SGCZ: variants seen among roughly 807,000 people sequenced by gnomAD.
SGCZ encodes the protein zeta-sarcoglycan.
Under a neutral mutation model 41.3 loss-of-function variants are expected in SGCZ, and 40 were observed. That is an observed-to-expected ratio of 0.97 (90% CI 0.75 to 1.26). The LOEUF (loss-of-function observed/expected upper bound fraction) is 1.26. Ranked by LOEUF, SGCZ falls within the 50% of genes most tolerant of loss-of-function variation. The pLI, the probability that SGCZ is intolerant of heterozygous loss-of-function variation, is 0.00. For synonymous variants in SGCZ, 206 were observed against 137.5 expected (o/e 1.50, Z -3.49); for missense variants, 552 against 369.8 (o/e 1.49, Z -4.04).
chr8:14,868,881 T>C (rs942064624), intron 1 of SGCZ, among the ~76,000 whole-genome samples: 2 of 152,016 alleles, frequency 1.3e-5, no homozygotes, highest in African/African-American at 4.8e-5. Context: ...CTCCCAAGGC[T>C]AAACCAGGAA....
At chr8:15,044,714 T>C (rs1054338861) in intron 1 of SGCZ, among the ~76,000 whole-genome samples, 1 of 152,010 alleles carries the variant, frequency 6.6e-6, no homozygotes, top group Non-Finnish European at 1.5e-5. Flanking sequence ...GGAGGGTTAA[T>C]TAGGAGTTAA....
chr8:14,220,231 G>A (rs1806144983), intron 4 of SGCZ, among the ~76,000 whole-genome samples: 1 of 152,110 alleles, frequency 6.6e-6, no homozygotes, highest in East Asian at 1.9e-4. Flanking sequence ...GGAGTAGAAT[G>A]GATAAATTGT....
chr8:14,346,637 A>T (rs1802899621), intron 2 of SGCZ, among the ~76,000 whole-genome samples: 1 of 152,082 alleles, frequency 6.6e-6, no homozygotes, highest in African/African-American at 2.4e-5. Context: ...AAAATATCAC[A>T]TGGAAAGTTT....
chr8:14,797,168 G>C (rs932234692), intron 1 of SGCZ, among the ~76,000 whole-genome samples: 1 of 152,078 alleles, frequency 6.6e-6, no homozygotes, highest in Non-Finnish European at 1.5e-5. Flanking sequence ...GGTGGGGACA[G>C]TTTGGAGGGC....
chr8:14,720,363 C>T (rs1186195201), intron 1 of SGCZ, among the ~76,000 whole-genome samples: 1 of 151,910 alleles, frequency 6.6e-6, no homozygotes, highest in Non-Finnish European at 1.5e-5. Flanking sequence ...TTTTTAAAAA[C>T]AATAATGATA....
At chr8:14,340,540 T>C (rs1250586143) in intron 2 of SGCZ, among the ~76,000 whole-genome samples, 3 of 152,152 alleles carry the variant, frequency 2.0e-5, no homozygotes, top group Admixed American at 6.6e-5. Context: ...TGTCTTTTTA[T>C]CTCCAGAATT....
At chr8:14,468,642 C>A (rs1344541386) in intron 2 of SGCZ, among the ~76,000 whole-genome samples, 1 of 151,984 alleles carries the variant, frequency 6.6e-6, no homozygotes, top group Non-Finnish European at 1.5e-5. Context: ...TCCATTTTAT[C>A]TTTCTAATGC....
rs1472368671 is a variant in SGCZ, at chr8:14,088,202, A to C, written c.*2241T>G. Among the ~76,000 whole-genome samples, 1 of 151,756 alleles carries C rather than the reference A, an allele frequency of 6.6e-6. No homozygotes were observed. Among genetic ancestry groups the C allele is most frequent in the African/African-American group, 2.4e-5 (1 of 41,392 alleles). ...TTAGAACATGTTGGAACAGAAAGGAACCCCAAGAGACTATTTTATTCAATA... is the reference window on the plus strand; with the variant it reads ...TTAGAACATGTTGGAACAGAAAGGACCCCCAAGAGACTATTTTATTCAATA... On this transcript the variant is annotated 3_prime_UTR_variant, in exon 8 of 8. Transcript: ENST00000382080.
intron 2 of SGCZ, among the ~76,000 whole-genome samples, chr8:14,513,301 G>A (rs1179922826): frequency 6.6e-6 from 1 of 152,112 alleles, no homozygotes; most frequent in Admixed American, 6.6e-5. Flanking sequence ...GCCTCCCAAA[G>A]TGCTGGAATT....
intron 2 of SGCZ, among the ~76,000 whole-genome samples, chr8:14,398,588 C>T (rs1190342794): frequency 6.6e-6 from 1 of 151,988 alleles, no homozygotes; most frequent in Non-Finnish European, 1.5e-5. Flanking sequence ...TCCAAGTTGC[C>T]TTGGGGAGTG....
chr8:15,120,677 G>A (rs914295723), intron 1 of SGCZ, among the ~76,000 whole-genome samples: 2 of 151,926 alleles, frequency 1.3e-5, no homozygotes, highest in Non-Finnish European at 2.9e-5. Context: ...AAAATGAATT[G>A]ACATGCTCAG....
At chr8:14,775,788 T>C (rs762809169) in intron 1 of SGCZ, among the ~76,000 whole-genome samples, 5 of 152,192 alleles carry the variant, frequency 3.3e-5, no homozygotes, top group Non-Finnish European at 5.9e-5. Context: ...GAATTGGTTA[T>C]TGAGTTTTAT....
chr8:14,629,975 C>T lies in SGCZ; in HGVS notation c.40-75049G>A, dbSNP rs146196002. Among the ~76,000 whole-genome samples the T allele has an allele frequency of 3.6e-3, 544 of 152,002 alleles. 1 individual carries two copies. The highest frequency in any genetic ancestry group is 0.011 in the African/African-American group (474 of 41,464). On this transcript the variant is annotated intron_variant, in intron 1 of 7. Coordinates refer to ENST00000382080, the MANE Select transcript of SGCZ (RefSeq NM_139167.4). ...TTGAAACTGTTTCTAAGTCTTGATG[C>T]TAGGTAAAATATCTGATTATTGTGT...
At chr8:15,159,175 T>C (rs760198934) in intron 1 of SGCZ, among the ~76,000 whole-genome samples, 6 of 152,036 alleles carry the variant, frequency 3.9e-5, no homozygotes, top group Non-Finnish European at 7.4e-5. Context: ...TCTATAAAAA[T>C]CCAAGAGCAA....
intron 3 of SGCZ, among the ~76,000 whole-genome samples, chr8:14,314,053 T>C (rs1167814371): frequency 6.6e-6 from 1 of 152,060 alleles, no homozygotes; most frequent in Non-Finnish European, 1.5e-5. Context: ...CATTTTTTTG[T>C]AAGGCTTCAG....
At chr8:14,674,090 T>A (rs890657771) in intron 1 of SGCZ, among the ~76,000 whole-genome samples, 1 of 152,144 alleles carries the variant, frequency 6.6e-6, no homozygotes, top group Admixed American at 6.5e-5. Flanking sequence ...GAAATTAGTA[T>A]AAACTGTTAA....
chr8:14,173,386 C>T (rs1453830545), intron 4 of SGCZ, among the ~76,000 whole-genome samples: 3 of 151,672 alleles, frequency 2.0e-5, no homozygotes, highest in East Asian at 3.9e-4. Context: ...AAGATGAATC[C>T]TAGCAAAGAA....
intron 3 of SGCZ, among the ~76,000 whole-genome samples, chr8:14,269,473 A>T (rs1174682718): frequency 1.3e-5 from 2 of 152,088 alleles, no homozygotes; most frequent in African/African-American, 2.4e-5. Flanking sequence ...CTGCATCAGA[A>T]ATATATGCAG....
In SGCZ at chr8:15,230,687, T is replaced by G. The variant is rs1423700730; in HGVS notation, c.39+6898A>C. Among the ~76,000 whole-genome samples, 3 of 152,164 alleles carry G rather than the reference T, an allele frequency of 2.0e-5. No homozygotes were observed. In the East Asian group the frequency reaches 5.8e-4, roughly 29 times the overall value. ...TTGTGAGGTTTTTACCTTCCATTCT[T>G]CAGTCTACAGTTCTTGCCATGGTCC... On this transcript the variant is annotated intron_variant, in intron 1 of 7. Transcript: ENST00000382080.
Sources: allele counts gnomAD v4.1 joint callset (sites outside exome capture counted in the v4.1 genomes callset), GRCh38; gene constraint gnomAD v4.1.1; transcripts MANE v1.5; gene names NCBI Gene and HGNC (gene_info 2026-07-23, HGNC 2026-07-21).